The following NCR1 variants were observed in gnomAD, a reference collection of about 807,000 sequenced individuals.
NCR1 encodes natural cytotoxicity triggering receptor 1.
A neutral mutation model predicts 32.5 loss-of-function variants in NCR1; 30 were observed. The observed-to-expected ratio is 0.92, with a 90% CI of 0.69 to 1.25. The LOEUF (loss-of-function observed/expected upper bound fraction) is 1.25, where lower values mean the gene tolerates loss of function less well. Among genes scored for constraint, NCR1 ranks in the 50% most tolerant of loss-of-function variants. The pLI is 0.00. For synonymous variants in NCR1, 169 were observed against 143.4 expected (o/e 1.18, Z -1.28); for missense variants, 369 against 380.7 (o/e 0.97, Z 0.26).
At chr19:54,917,618 G>C (rs187332699), downstream of NCR1, among the ~76,000 whole-genome samples, 83 of 152,220 alleles carry the variant, frequency 5.5e-4, no homozygotes, top group African/African-American at 2.0e-3. Context: ...CCCAGCCTAG[G>C]ATCCTGCACC....
the NCR1 span, among the ~76,000 whole-genome samples, chr19:54,926,249 C>T: frequency 1.3e-5 from 2 of 151,608 alleles, no homozygotes; most frequent in African/African-American, 4.8e-5. Flanking sequence ...CACATACACA[C>T]AAGCTTCCAG....
At chr19:54,933,206 T>C in the NCR1 span, among the ~76,000 whole-genome samples, 1 of 151,988 alleles carries the variant, frequency 6.6e-6, no homozygotes. Context: ...AGTGCAGTGG[T>C]GCGATCTCGG....
In NCR1 at chr19:54,910,138, T is replaced by C. The variant is rs2067893780; in HGVS notation, c.682+73T>C. The stretch of plus-strand genomic sequence containing the variant: ...AGTGACACTAAAAACGTGGCATTCA[T>C]TCAAAATATTCATCGAGGCCAGGCG... On this transcript the variant is annotated intron_variant, in intron 5 of 6. Coordinates refer to ENST00000291890, the MANE Select transcript of NCR1 (RefSeq NM_004829.7). The C allele has an allele frequency of 5.5e-6, 8 of 1,456,374 alleles. No homozygotes were observed. The South Asian group carries it at 8.2e-5, about 15-fold the overall frequency. 90.2% of individuals were successfully genotyped at this position (1,456,374 alleles called of 1,614,324 possible).
At chr19:54,899,591 G>A in the NCR1 span, among the ~76,000 whole-genome samples, 5,023 of 152,068 alleles carry the variant, frequency 0.033, 103 homozygotes, top group African/African-American at 0.055. Flanking sequence ...ATAAGGGATC[G>A]GGGGATTCTT....
intron 4 of NCR1, 79 bp downstream of exon 4, chr19:54,909,602 G>A: frequency 6.6e-7 from 1 of 1,511,128 alleles, no homozygotes; most frequent in Non-Finnish European, 8.9e-7. Context: ...GAGAGTGATG[G>A]GGAGGGTGTC....
At chr19:54,930,579 C>T in the NCR1 span, 1 of 1,612,202 alleles carries the variant, frequency 6.2e-7, no homozygotes. Flanking sequence ...GGTTGATACT[C>T]AAGTCCAGGT....
At chr19:54,916,317 C>CTTTTTTTTTTTTTTTTTTTTTTTTTTT (rs71181711), downstream of NCR1, among the ~76,000 whole-genome samples, 71 of 87,100 alleles carry the variant, frequency 8.2e-4, 13 homozygotes, top group Non-Finnish European at 1.3e-3. Context: ...GAATATTGTG[C>CTTTTTTTTTTTTTTTTTTTTTTTTTTT]TTTTTTTTTT....
At chr19:54,912,123 A>C (rs748238312) in intron 5 of NCR1, 45 bp from the exon 6 acceptor site, 1 of 1,545,360 alleles carries the variant, frequency 6.5e-7, no homozygotes, top group South Asian at 1.1e-5. Flanking sequence ...GCTGGGGTGG[A>C]GGAGGTCAAA....
chr19:54,898,964 C>G, the NCR1 span, among the ~76,000 whole-genome samples: 3 of 151,822 alleles, frequency 2.0e-5, no homozygotes, highest in Admixed American at 1.3e-4. Context: ...GGACCCAGCT[C>G]GGCCTGGCGA....
At chr19:54,925,481 G>A in the NCR1 span, among the ~76,000 whole-genome samples, 13 of 152,228 alleles carry the variant, frequency 8.5e-5, no homozygotes, top group African/African-American at 3.1e-4. Context: ...GTTTACATGC[G>A]TATCATCTCT....
At chr19:54,900,192 C>A in the NCR1 span, among the ~76,000 whole-genome samples, 7 of 152,160 alleles carry the variant, frequency 4.6e-5, no homozygotes, top group Non-Finnish European at 1.0e-4. Flanking sequence ...ATTTCACTCA[C>A]GTCCGTGTGA....
chr19:54,919,725 C>CA (rs1556721758), downstream of NCR1, among the ~76,000 whole-genome samples: 1,367 of 145,350 alleles, frequency 9.4e-3, 34 homozygotes, highest in Middle Eastern at 0.018. Flanking sequence ...CCCCCCCCCC[C>CA]ACCCGCTGCC....
At chr19:54,936,252 G>A in the NCR1 span, 3 of 1,611,868 alleles carry the variant, frequency 1.9e-6, no homozygotes, top group Non-Finnish European at 2.5e-6. Context: ...CCGTGACCGT[G>A]AGACCCACCT....
intron 5 of NCR1, among the ~76,000 whole-genome samples, chr19:54,910,403 C>T (rs1025353307): frequency 9.2e-5 from 14 of 152,026 alleles, no homozygotes; most frequent in African/African-American, 2.9e-4. Context: ...AACCCCATCT[C>T]TACTAAAAAT....
At chr19:54,903,342 ACATATATG>A (rs200949676), upstream of NCR1, among the ~76,000 whole-genome samples, 2,762 of 138,228 alleles carry the variant, frequency 0.02, 164 homozygotes, top group African/African-American at 0.074. Context: ...GTATGTATAT[ACATATATG>A]CATATATACA....
Position 54,909,394 on chromosome 19 carries a change from G to A in NCR1, c.505G>A (p.Gly169Arg), listed in dbSNP as rs966441909. ...GRSSHVQRGY[G>R]KVQAEFPLGP... ...ATCCAGCCACGTACAGCGCGGATAC[G>A]GGAAGGTCCAGGCGGAGTTCCCCCT... The change falls in exon 4 of 7, where the codon GGG (glycine) becomes AGG (arginine). Residue 169 changes from glycine to arginine, a missense_variant. Coordinates refer to ENST00000291890, the MANE Select transcript of NCR1 (RefSeq NM_004829.7). 1.8e-5 allele frequency: 29 copies of A among 1,613,910 alleles called. No homozygotes were observed. The highest frequency in any genetic ancestry group is 2.1e-5 in the Non-Finnish European group (25 of 1,180,038).
At chr19:54,903,434 GCA>G (rs2067357194), upstream of NCR1, among the ~76,000 whole-genome samples, 9 of 123,344 alleles carry the variant, frequency 7.3e-5, no homozygotes, top group South Asian at 2.2e-3. Flanking sequence ...ATGTATACAC[GCA>G]TACATGTATG....
chr19:54,927,326 A>G, the NCR1 span, among the ~76,000 whole-genome samples: 1 of 151,556 alleles, frequency 6.6e-6, no homozygotes, highest in Non-Finnish European at 1.5e-5. Context: ...GGTTGCAGTG[A>G]GCCAAGATCG....
intron 5 of NCR1, among the ~76,000 whole-genome samples, chr19:54,910,928 G>T (rs587681155): frequency 4.6e-5 from 7 of 152,328 alleles, no homozygotes; most frequent in Admixed American, 1.3e-4. Flanking sequence ...GAATGAAATG[G>T]CATCTGCCTG....
Sources: gnomAD v4.1 joint callset for allele counts (sites outside exome capture counted in the v4.1 genomes callset) on GRCh38, gnomAD v4.1.1 for gene constraint, MANE v1.5 for transcripts, NCBI Gene and HGNC (gene_info 2026-07-23, HGNC 2026-07-21) for gene names.